Variants in PCMTD1 observed in about 807,000 individuals in gnomAD.
The protein encoded by PCMTD1 is protein-L-isoaspartate O-methyltransferase domain-containing protein 1.
A neutral mutation model predicts 37.6 loss-of-function variants in PCMTD1; 12 were observed. The observed-to-expected ratio is 0.32, with a 90% confidence interval of 0.20 to 0.52. PCMTD1 has a LOEUF of 0.52. Ranked by LOEUF, PCMTD1 falls within the 20% of genes least tolerant of loss-of-function variation. The pLI is 0.97. For synonymous variants in PCMTD1, 117 were observed against 135.8 expected (o/e 0.86, Z 0.96); for missense variants, 235 against 421.3 (o/e 0.56, Z 3.87).
chr8:51,859,043 A>G (rs2038433221), intron 2 of PCMTD1, among the ~76,000 whole-genome samples: 1 of 152,166 alleles, frequency 6.6e-6, no homozygotes, highest in African/African-American at 2.4e-5. Context: ...AAGATAGCAA[A>G]TTATGATGCA....
intron 1 of PCMTD1, among the ~76,000 whole-genome samples, chr8:51,872,135 T>C (rs112594459): frequency 1.3e-5 from 2 of 152,214 alleles, no homozygotes; most frequent in African/African-American, 4.8e-5. Flanking sequence ...AAGGACAAGA[T>C]ATGAGGTTCA....
Position 51,854,189 on chromosome 8 carries a change from T to A in PCMTD1, c.307+6656A>T, listed in dbSNP as rs115570449. Among the ~76,000 whole-genome samples the A allele has an allele frequency of 4.9e-3, 741 of 152,330 alleles. 6 individuals are homozygous for A. The highest frequency in any genetic ancestry group is 0.017 in the African/African-American group (711 of 41,576). ...AAAATATAACCAGAAGAAATTACTA[T>A]GAAAACTCTGTAAAACCTGTATTGA... On this transcript the variant is annotated intron_variant, in intron 2 of 5. Transcript: ENST00000522514.
intron 1 of PCMTD1, among the ~76,000 whole-genome samples, chr8:51,870,587 C>T (rs528739309): frequency 4.3e-4 from 66 of 152,102 alleles, no homozygotes; most frequent in Non-Finnish European, 2.8e-4. Context: ...CTACTATATA[C>T]CTAGCACTGT....
chr8:51,848,550 C>T (rs562557898), intron 2 of PCMTD1, among the ~76,000 whole-genome samples: 88 of 152,288 alleles, frequency 5.8e-4, no homozygotes, highest in African/African-American at 2.0e-3. Flanking sequence ...CAGTTAAAGA[C>T]GCCACTGGTC....
chr8:51,872,688 A>T (rs2038655811), intron 1 of PCMTD1, among the ~76,000 whole-genome samples: 1 of 152,240 alleles, frequency 6.6e-6, no homozygotes, highest in Admixed American at 6.5e-5. Flanking sequence ...AAAGAACAAT[A>T]TTCGAATATA....
intron 1 of PCMTD1, among the ~76,000 whole-genome samples, chr8:51,870,549 T>A (rs1024136137): frequency 3.3e-5 from 5 of 152,230 alleles, no homozygotes; most frequent in African/African-American, 1.2e-4. Flanking sequence ...TAAGTAGTGA[T>A]AACATATAGC....
intron 3 of PCMTD1, chr8:51,839,507 T>C: frequency 3.0e-6 from 3 of 985,458 alleles, no homozygotes; most frequent in Non-Finnish European, 3.6e-6. Flanking sequence ...GATGGACAGA[T>C]GATTTCGTTC....
intron 1 of PCMTD1, among the ~76,000 whole-genome samples, chr8:51,895,101 G>A (rs945234356): frequency 6.6e-6 from 1 of 152,180 alleles, no homozygotes; most frequent in Non-Finnish European, 1.5e-5. Flanking sequence ...ATCTGTGTGG[G>A]ATTGCCAAAG....
chr8:51,862,474 T>C (rs2038488235), intron 1 of PCMTD1, among the ~76,000 whole-genome samples: 1 of 152,200 alleles, frequency 6.6e-6, no homozygotes, highest in Non-Finnish European at 1.5e-5. Flanking sequence ...CAAAACATAA[T>C]ACTGAATATA....
chr8:51,831,315 G>T (rs2037995285), intron 5 of PCMTD1, 129 bp downstream of exon 5: 33 of 888,440 alleles, frequency 3.7e-5, no homozygotes, highest in Non-Finnish European at 4.3e-5. Context: ...AAAAAAAGTT[G>T]AATAAATCCA....
Position 51,860,830 on chromosome 8 carries a change from CA to C in PCMTD1, c.307+14del, listed in dbSNP as rs770423819. Reference sequence around the variant, plus strand: ...GCTTATTTTTTAAAATAGAATTTTACAAAAATAAAATTACCTAAAATTAAGC... The same window carrying C: ...GCTTATTTTTTAAAATAGAATTTTACAAAATAAAATTACCTAAAATTAAGC... On this transcript the variant is annotated intron_variant, in intron 2 of 5. Coordinates refer to ENST00000522514, the MANE Select transcript of PCMTD1 (RefSeq NM_052937.4). The C allele has an allele frequency of 9.0e-6, 14 of 1,555,952 alleles. No homozygotes were observed. In the South Asian group the frequency reaches 1.6e-4, roughly 17 times the overall value.
chr8:51,894,010 A>T (rs1276206506), intron 1 of PCMTD1, among the ~76,000 whole-genome samples: 1 of 152,220 alleles, frequency 6.6e-6, no homozygotes, highest in Non-Finnish European at 1.5e-5. Context: ...ACTCAAAACA[A>T]ATTTAGAGTA....
At chr8:51,873,443 A>G (rs1196486623) in intron 1 of PCMTD1, among the ~76,000 whole-genome samples, 1 of 152,234 alleles carries the variant, frequency 6.6e-6, no homozygotes, top group African/African-American at 2.4e-5. Context: ...TACTTTTCTG[A>G]ATGAACCAGA....
chr8:51,849,191 ATT>A (rs1193793212), intron 2 of PCMTD1: 1 of 152,192 alleles, frequency 6.6e-6, no homozygotes, highest in East Asian at 1.9e-4. Flanking sequence ...CTTGTATAAA[ATT>A]TGTTTTAACC....
intron 1 of PCMTD1, among the ~76,000 whole-genome samples, chr8:51,861,725 A>T (rs35890319): frequency 0.54 from 76,174 of 141,538 alleles, 23,303 homozygotes; most frequent in Non-Finnish European, 0.68. Context: ...TTTTTTTTTT[A>T]ATTTTTTTTT....
chr8:51,885,258 T>TG (rs1477624647), intron 1 of PCMTD1, among the ~76,000 whole-genome samples: 2 of 152,156 alleles, frequency 1.3e-5, no homozygotes, highest in Admixed American at 1.3e-4. Context: ...TTCTAAGTAT[T>TG]GGGGGGCGGG....
chr8:51,833,749 A>C (rs2038029032), intron 3 of PCMTD1, 60 bp from the exon 4 acceptor site: 1 of 1,420,180 alleles, frequency 7.0e-7, no homozygotes, highest in Admixed American at 1.9e-5. Flanking sequence ...TAAAAAATTT[A>C]CCATAATCCA....
chr8:51,839,158 C>G (rs567148532), intron 3 of PCMTD1, among the ~76,000 whole-genome samples: 1 of 151,952 alleles, frequency 6.6e-6, no homozygotes, highest in East Asian at 1.9e-4. Flanking sequence ...CTAAATTACA[C>G]TACCAAAAAT....
intron 1 of PCMTD1, among the ~76,000 whole-genome samples, chr8:51,864,393 T>C (rs1299289975): frequency 2.0e-5 from 3 of 152,156 alleles, no homozygotes; most frequent in Non-Finnish European, 4.4e-5. Context: ...TTAGACCAAA[T>C]GGACCTAAAA....
Sources: allele counts gnomAD v4.1 joint callset (sites outside exome capture counted in the v4.1 genomes callset), GRCh38; gene constraint gnomAD v4.1.1; transcripts MANE v1.5; gene names NCBI Gene and HGNC (gene_info 2026-07-23, HGNC 2026-07-21).